The following KCNT2 variants were observed in gnomAD, a reference collection of about 807,000 sequenced individuals.
KCNT2 encodes the protein potassium channel subfamily T member 2.
In KCNT2, 67 loss-of-function variants were observed where a neutral mutation model predicts 153.8. That is an observed-to-expected ratio of 0.44 (90% CI 0.36 to 0.53). KCNT2 has a LOEUF of 0.53. Ranked by LOEUF, KCNT2 falls within the 20% of genes least tolerant of loss-of-function variation. The pLI is 0.00. For synonymous variants in KCNT2, 500 were observed against 458.8 expected (o/e 1.09, Z -1.15); for missense variants, 975 against 1,354.8 (o/e 0.72, Z 4.40).
chr1:196,265,099 TCA>T (rs1657412246), intron 25 of KCNT2, among the ~76,000 whole-genome samples: 1 of 152,200 alleles, frequency 6.6e-6, no homozygotes, highest in African/African-American at 2.4e-5. Flanking sequence ...TGTGCAATCA[TCA>T]GTCTCAACAG....
intron 12 of KCNT2, among the ~76,000 whole-genome samples, chr1:196,400,276 G>GA (rs1394718447): frequency 6.6e-6 from 1 of 151,674 alleles, no homozygotes; most frequent in Non-Finnish European, 1.5e-5. Context: ...AAAGGAAAGG[G>GA]AAAAAATAGA....
chr1:196,421,315 G>C (rs534726078), intron 12 of KCNT2, among the ~76,000 whole-genome samples: 81 of 151,962 alleles, frequency 5.3e-4, no homozygotes, highest in South Asian at 1.0e-3. Flanking sequence ...ACTCTAGAAG[G>C]TATTATGTAT....
chr1:196,577,759 T>C (rs1326699619), intron 1 of KCNT2, among the ~76,000 whole-genome samples: 1 of 152,158 alleles, frequency 6.6e-6, no homozygotes, highest in Non-Finnish European at 1.5e-5. Context: ...GCTCTGGTAC[T>C]GCCTAACTTA....
chr1:196,258,513 T>C lies in KCNT2; in HGVS notation c.2911-19A>G. The C allele has an allele frequency of 7.3e-7, 1 of 1,378,196 alleles. No individual in the cohort carries two copies. The highest frequency in any genetic ancestry group is 1.0e-6 in the Non-Finnish European group (1 of 989,480). The allele number at this position is 1,378,196 out of a possible 1,614,324, so 85.4% of individuals were successfully genotyped here. On this transcript the variant is annotated intron_variant, in intron 25 of 27. Coordinates refer to ENST00000294725, the MANE Select transcript of KCNT2 (RefSeq NM_198503.5). ...TTTGAGACTTTAAAGGAAATAGATA[T>C]TGATAATTAGATACTTTAGAAATAA...
chr1:196,550,778 C>A (rs1008208409), intron 1 of KCNT2, among the ~76,000 whole-genome samples: 1 of 151,708 alleles, frequency 6.6e-6, no homozygotes, highest in Non-Finnish European at 1.5e-5. Flanking sequence ...TGCTTCTATT[C>A]TCTGAACCAA....
chr1:196,454,326 T>C (rs1199233672), intron 8 of KCNT2, among the ~76,000 whole-genome samples: 2 of 151,932 alleles, frequency 1.3e-5, no homozygotes, highest in South Asian at 2.1e-4. Context: ...ATCATCCAGA[T>C]AGTGAGCATA....
At chr1:196,556,699 T>C (rs1387284320) in intron 1 of KCNT2, among the ~76,000 whole-genome samples, 2 of 151,442 alleles carry the variant, frequency 1.3e-5, no homozygotes, top group Non-Finnish European at 3.0e-5. Flanking sequence ...TGCAGCACTG[T>C]TCACAATAGC....
intron 25 of KCNT2, among the ~76,000 whole-genome samples, chr1:196,276,460 A>T (rs563310581): frequency 1.1e-4 from 16 of 151,942 alleles, no homozygotes; most frequent in Non-Finnish European, 2.2e-4. Context: ...ATCAGGATTA[A>T]TCTTCCTAAA....
intron 10 of KCNT2, among the ~76,000 whole-genome samples, chr1:196,426,227 T>C (rs964548832): frequency 9.9e-5 from 15 of 152,022 alleles, no homozygotes; most frequent in African/African-American, 3.4e-4. Context: ...TATTTCAGTC[T>C]TACTAAGACC....
At chr1:196,344,231 A>T (rs1200832535) in intron 14 of KCNT2, among the ~76,000 whole-genome samples, 1 of 152,198 alleles carries the variant, frequency 6.6e-6, no homozygotes, top group African/African-American at 2.4e-5. Flanking sequence ...CACGCAGTAA[A>T]TGTAAGCTGC....
intron 1 of KCNT2, among the ~76,000 whole-genome samples, chr1:196,542,048 T>C (rs1028139070): frequency 7.9e-5 from 12 of 151,942 alleles, no homozygotes; most frequent in African/African-American, 2.9e-4. Flanking sequence ...TTAAAAATAA[T>C]TATTTAAGAG....
At chr1:196,431,512 A>T (rs1674146709) in intron 8 of KCNT2, among the ~76,000 whole-genome samples, 1 of 152,098 alleles carries the variant, frequency 6.6e-6, no homozygotes, top group South Asian at 2.1e-4. Context: ...GGCCTTTCTG[A>T]TGAGTTCTTA....
chr1:196,489,128 G>C (rs529264169), intron 3 of KCNT2, among the ~76,000 whole-genome samples: 2 of 151,938 alleles, frequency 1.3e-5, no homozygotes, highest in Non-Finnish European at 2.9e-5. Context: ...CCAGAGGAAG[G>C]GAGATCAAAG....
chr1:196,391,978 T>C (rs1330143216), intron 13 of KCNT2, among the ~76,000 whole-genome samples: 3 of 151,372 alleles, frequency 2.0e-5, no homozygotes, highest in South Asian at 2.1e-4. Flanking sequence ...ATTGATAACA[T>C]TTGCATATAA....
intron 8 of KCNT2, among the ~76,000 whole-genome samples, chr1:196,462,693 C>T (rs1677253615): frequency 6.6e-6 from 1 of 151,508 alleles, no homozygotes; most frequent in South Asian, 2.1e-4. Flanking sequence ...TTCAAAATAA[C>T]CTTATAGAGT....
At chr1:196,434,919 T>C (rs1162754775) in intron 8 of KCNT2, among the ~76,000 whole-genome samples, 2 of 151,542 alleles carry the variant, frequency 1.3e-5, no homozygotes, top group South Asian at 2.1e-4. Flanking sequence ...TACTTGGTTC[T>C]CTTCCAATTG....
chr1:196,391,723 C>A (rs1670512836), intron 13 of KCNT2, among the ~76,000 whole-genome samples: 1 of 151,166 alleles, frequency 6.6e-6, no homozygotes. Context: ...ATAATCAACA[C>A]CAATGTTAAT....
chr1:196,503,176 AAG>A (rs1680838949), intron 1 of KCNT2, among the ~76,000 whole-genome samples: 1 of 151,960 alleles, frequency 6.6e-6, no homozygotes, highest in Non-Finnish European at 1.5e-5. Flanking sequence ...AGAAAAAAAA[AAG>A]AGCAGATGCT....
chr1:196,238,753 C>T (rs574836089), intron 26 of KCNT2, among the ~76,000 whole-genome samples: 1 of 151,958 alleles, frequency 6.6e-6, no homozygotes, highest in Non-Finnish European at 1.5e-5. Context: ...ATGGGCGCAG[C>T]AAACCAACAC....
Sources: allele counts gnomAD v4.1 joint callset (sites outside exome capture counted in the v4.1 genomes callset), GRCh38; gene constraint gnomAD v4.1.1; transcripts MANE v1.5; gene names NCBI Gene and HGNC (gene_info 2026-07-23, HGNC 2026-07-21).